The following PRR16 variants were observed in gnomAD, a reference collection of about 807,000 sequenced individuals.
PRR16 encodes the protein proline rich 16, also known as protein Largen.
PRR16 carries 6 observed loss-of-function variants against 18.2 expected under a neutral mutation model. The observed-to-expected ratio is 0.33, with a 90% CI of 0.18 to 0.65. The LOEUF (loss-of-function observed/expected upper bound fraction) is 0.65. PRR16 is among the 30% of genes least tolerant of loss of function. PRR16 has a pLI of 0.74. For synonymous variants in PRR16, 151 were observed against 147.8 expected (o/e 1.02, Z -0.16); for missense variants, 412 against 376.6 (o/e 1.09, Z -0.78).
chr5:120,600,600 G>A (rs1169730114), intron 1 of PRR16, among the ~76,000 whole-genome samples: 2 of 151,768 alleles, frequency 1.3e-5, no homozygotes, highest in African/African-American at 4.8e-5. Flanking sequence ...AGGTTCAGGG[G>A]GTAAATATGG....
intron 1 of PRR16, among the ~76,000 whole-genome samples, chr5:120,469,496 AT>A (rs112912445): frequency 0.2 from 30,013 of 146,726 alleles, 3,067 homozygotes; most frequent in South Asian, 0.25. Flanking sequence ...CTAATTTTTA[AT>A]TTTTTTTTTT....
At chr5:120,713,566 T>G in the PRR16 span, among the ~76,000 whole-genome samples, 2 of 152,186 alleles carry the variant, frequency 1.3e-5, no homozygotes, top group Admixed American at 6.6e-5. Flanking sequence ...AGTTTTAATT[T>G]TAAAACTTGT....
chr5:120,655,892 T>C lies in PRR16; in HGVS notation c.160-30062T>C, dbSNP rs1342105636. Among the ~76,000 whole-genome samples the C allele has an allele frequency of 2.6e-5, 4 of 151,862 alleles. No individual in the cohort carries two copies. In the East Asian group the frequency reaches 7.8e-4, roughly 29 times the overall value. ...TATCCATCATTCCCAATTCCTTGGATAGGGATGATAAGACAGGTTCCAGCC... is the reference window on the plus strand; with the variant it reads ...TATCCATCATTCCCAATTCCTTGGACAGGGATGATAAGACAGGTTCCAGCC... On this transcript the variant is annotated intron_variant, in intron 1 of 1. Coordinates refer to ENST00000407149, the MANE Select transcript of PRR16 (RefSeq NM_001300783.2).
the PRR16 span, among the ~76,000 whole-genome samples, chr5:120,793,983 T>C: frequency 8.0e-3 from 1,219 of 152,236 alleles, 7 homozygotes; most frequent in Middle Eastern, 0.027. Flanking sequence ...GGGACCACCA[T>C]TGTATAATAT....
intron 1 of PRR16, among the ~76,000 whole-genome samples, chr5:120,545,171 G>A (rs922261912): frequency 6.6e-6 from 1 of 151,940 alleles, no homozygotes; most frequent in Admixed American, 6.6e-5. Flanking sequence ...CCTACAGATG[G>A]CATTTTTTTC....
intron 1 of PRR16, among the ~76,000 whole-genome samples, chr5:120,652,000 T>A (rs1220743968): frequency 6.6e-5 from 10 of 152,252 alleles, no homozygotes; most frequent in Admixed American, 5.2e-4. Flanking sequence ...CCTCTTTTAT[T>A]TCATTGAGCA....
chr5:120,721,356 G>A, the PRR16 span, among the ~76,000 whole-genome samples: 2 of 152,056 alleles, frequency 1.3e-5, no homozygotes, highest in East Asian at 3.9e-4. Context: ...AATATGTATA[G>A]ATCAAGGTGA....
chr5:120,551,245 T>A (rs1313203835), intron 1 of PRR16, among the ~76,000 whole-genome samples: 1 of 152,012 alleles, frequency 6.6e-6, no homozygotes, highest in East Asian at 1.9e-4. Context: ...ATTCTGTATA[T>A]AAATAAGATC....
intron 1 of PRR16, among the ~76,000 whole-genome samples, chr5:120,624,171 G>A (rs1754785580): frequency 6.6e-6 from 1 of 152,090 alleles, no homozygotes; most frequent in Non-Finnish European, 1.5e-5. Context: ...TTATGGTCAG[G>A]TTAGGGATCC....
chr5:120,645,391 C>A (rs59100348), intron 1 of PRR16, among the ~76,000 whole-genome samples: 28,155 of 146,204 alleles, frequency 0.19, 3,026 homozygotes, highest in African/African-American at 0.33. Context: ...CATCCCCCCC[C>A]CACACACACA....
At chr5:120,744,343 G>A in the PRR16 span, among the ~76,000 whole-genome samples, 1 of 152,298 alleles carries the variant, frequency 6.6e-6, no homozygotes, top group African/African-American at 2.4e-5. Context: ...GTTTGAAAGT[G>A]TTCCAGTTGT....
At chr5:120,597,981 A>T (rs1157061725) in intron 1 of PRR16, among the ~76,000 whole-genome samples, 1 of 151,890 alleles carries the variant, frequency 6.6e-6, no homozygotes, top group East Asian at 1.9e-4. Flanking sequence ...AATATGGATT[A>T]TGAATATGGA....
At chr5:120,660,202 A>T (rs1447733776) in intron 1 of PRR16, among the ~76,000 whole-genome samples, 4 of 152,074 alleles carry the variant, frequency 2.6e-5, no homozygotes, top group Non-Finnish European at 5.9e-5. Context: ...TAGTCCTCAA[A>T]CATATATGTT....
chr5:120,519,182 G>A (rs1020540737), intron 1 of PRR16, among the ~76,000 whole-genome samples: 7 of 151,808 alleles, frequency 4.6e-5, no homozygotes, highest in Admixed American at 6.6e-5. Flanking sequence ...AAAGACAGCA[G>A]GTATGTGCTT....
At chr5:120,563,768 A>T (rs370035411) in intron 1 of PRR16, among the ~76,000 whole-genome samples, 1 of 151,602 alleles carries the variant, frequency 6.6e-6, no homozygotes, top group African/African-American at 2.4e-5. Context: ...TTATCTGTCT[A>T]TCTGGTGTAA....
At chr5:120,665,777 G>T (rs934939772) in intron 1 of PRR16, among the ~76,000 whole-genome samples, 1 of 152,058 alleles carries the variant, frequency 6.6e-6, no homozygotes, top group Non-Finnish European at 1.5e-5. Context: ...TAGATATGTG[G>T]CATTATTTCT....
chr5:120,624,546 C>T (rs1754798443), intron 1 of PRR16, among the ~76,000 whole-genome samples: 3 of 152,076 alleles, frequency 2.0e-5, no homozygotes, highest in Admixed American at 1.3e-4. Flanking sequence ...TCAGCTCTGC[C>T]CTTACTAGCT....
intron 1 of PRR16, among the ~76,000 whole-genome samples, chr5:120,614,567 C>G (rs1754444985): frequency 1.3e-5 from 2 of 152,144 alleles, no homozygotes; most frequent in Non-Finnish European, 2.9e-5. Flanking sequence ...ATTTTCAAGC[C>G]TTTTCCACTT....
At chr5:120,489,366 T>G (rs1364843523) in intron 1 of PRR16, among the ~76,000 whole-genome samples, 1 of 152,192 alleles carries the variant, frequency 6.6e-6, no homozygotes, top group Non-Finnish European at 1.5e-5. Flanking sequence ...TTTAGGATAG[T>G]TAGCTCTTCT....
Sources: gnomAD v4.1 joint callset for allele counts (sites outside exome capture counted in the v4.1 genomes callset) on GRCh38, gnomAD v4.1.1 for gene constraint, MANE v1.5 for transcripts, NCBI Gene and HGNC (gene_info 2026-07-23, HGNC 2026-07-21) for gene names.